SPAG16: variants seen among roughly 807,000 people sequenced by gnomAD.
The protein encoded by SPAG16 is sperm-associated antigen 16 protein.
In SPAG16, 86 loss-of-function variants were observed where a neutral mutation model predicts 80.4. That is an observed-to-expected ratio of 1.07 (90% CI 0.90 to 1.28). The LOEUF (loss-of-function observed/expected upper bound fraction) is 1.28. SPAG16 is among the 50% of genes most tolerant of loss of function. The probability of loss-of-function intolerance (pLI) is 0.00; values close to 1 mark genes in which losing one functional copy is unlikely to be tolerated. For synonymous variants in SPAG16, 294 were observed against 265.9 expected, an observed-to-expected ratio of 1.11 and a Z score of -1.03; for missense variants, 870 against 765.3, an observed-to-expected ratio of 1.14 and a Z score of -1.61.
At chr2:213,327,591 G>T (rs1428036982) in intron 5 of SPAG16, among the ~76,000 whole-genome samples, 4 of 152,078 alleles carry the variant, frequency 2.6e-5, no homozygotes, top group Admixed American at 2.0e-4. Context: ...TTAACATGTT[G>T]TGGGTTTACA....
At chr2:213,845,460 T>C (rs2074575236) in intron 10 of SPAG16, among the ~76,000 whole-genome samples, 1 of 152,164 alleles carries the variant, frequency 6.6e-6, no homozygotes, top group South Asian at 2.1e-4. Context: ...CCTCCCAAAG[T>C]GCTGGGATTA....
intron 13 of SPAG16, among the ~76,000 whole-genome samples, chr2:214,092,676 A>T (rs2052301402): frequency 6.6e-6 from 1 of 151,992 alleles, no homozygotes; most frequent in Non-Finnish European, 1.5e-5. Flanking sequence ...TCTGCCAATT[A>T]TTAACTTATT....
chr2:214,177,486 C>T (rs921572962), intron 15 of SPAG16, among the ~76,000 whole-genome samples: 1 of 151,010 alleles, frequency 6.6e-6, no homozygotes, highest in Non-Finnish European at 1.5e-5. Flanking sequence ...CTGCTTCTGC[C>T]TGGCAAACCC....
intron 15 of SPAG16, among the ~76,000 whole-genome samples, chr2:214,253,055 G>A (rs1374766794): frequency 5.3e-5 from 8 of 150,206 alleles, no homozygotes; most frequent in Non-Finnish European, 1.5e-5. Flanking sequence ...CAGTGATGAT[G>A]AGCTTTTTTT....
intron 15 of SPAG16, among the ~76,000 whole-genome samples, chr2:214,299,215 G>T (rs748926441): frequency 9.3e-5 from 14 of 150,152 alleles, no homozygotes; most frequent in Non-Finnish European, 1.5e-4. Context: ...AATGGACAAG[G>T]CTAGAATCTA....
chr2:213,292,562 G>A (rs899662348), intron 1 of SPAG16, among the ~76,000 whole-genome samples: 1 of 149,502 alleles, frequency 6.7e-6, no homozygotes, highest in Non-Finnish European at 1.5e-5. Context: ...TACTTGGGAG[G>A]CTGAGGCAGG....
At chr2:213,584,708 C>T (rs961244717) in intron 10 of SPAG16, among the ~76,000 whole-genome samples, 1 of 152,068 alleles carries the variant, frequency 6.6e-6, no homozygotes, top group South Asian at 2.1e-4. Context: ...AGGGCAGGCT[C>T]TCGACTTTTG....
intron 9 of SPAG16, among the ~76,000 whole-genome samples, chr2:213,456,808 A>T (rs952659030): frequency 1.3e-5 from 2 of 152,096 alleles, no homozygotes; most frequent in Admixed American, 1.3e-4. Context: ...GTCAGTTCAG[A>T]TGTAATTAAT....
intron 15 of SPAG16, among the ~76,000 whole-genome samples, chr2:214,165,945 A>G (rs907884035): frequency 6.6e-6 from 1 of 152,146 alleles, no homozygotes; most frequent in Non-Finnish European, 1.5e-5. Context: ...TAATTATAAA[A>G]TAATTCAAAA....
chr2:214,037,893 G>A (rs976996326), intron 13 of SPAG16, among the ~76,000 whole-genome samples: 2 of 151,300 alleles, frequency 1.3e-5, no homozygotes, highest in Middle Eastern at 3.2e-3. Context: ...GTGTGTGTGT[G>A]TGTGTGTGTG....
rs562391683 is a variant in SPAG16 at position 214,007,800 on chromosome 2, C to T, written c.1401-6151C>T. On this transcript the variant is annotated intron_variant, in intron 12 of 15. Coordinates refer to ENST00000331683, the MANE Select transcript of SPAG16 (RefSeq NM_024532.5). ...CAGTTGACTATTATATACTTAGGTG[C>T]ATTCTTTCTGTTGTTAAGCATGTTT... Among the ~76,000 whole-genome samples the T allele has an allele frequency of 2.0e-5, 3 of 152,196 alleles. No homozygotes were observed. In the East Asian group the frequency reaches 5.8e-4, roughly 29 times the overall value.
chr2:213,468,550 T>C (rs2072874403), intron 9 of SPAG16, among the ~76,000 whole-genome samples: 1 of 130,992 alleles, frequency 7.6e-6, no homozygotes, highest in Non-Finnish European at 1.5e-5. Flanking sequence ...TATATATGTA[T>C]TTATATATAG....
At chr2:213,741,156 T>A (rs2067533663) in intron 10 of SPAG16, among the ~76,000 whole-genome samples, 1 of 152,106 alleles carries the variant, frequency 6.6e-6, no homozygotes, top group Non-Finnish European at 1.5e-5. Context: ...AAGGTAAGGG[T>A]AAAGTAAGAA....
At chr2:214,082,050 T>C (rs527964765) in intron 13 of SPAG16, among the ~76,000 whole-genome samples, 27 of 152,152 alleles carry the variant, frequency 1.8e-4, no homozygotes, top group Non-Finnish European at 3.4e-4. Flanking sequence ...GGCTTTGATA[T>C]CCTCTTCTTA....
At chr2:213,547,247 A>G (rs921285023) in intron 10 of SPAG16, among the ~76,000 whole-genome samples, 3 of 152,126 alleles carry the variant, frequency 2.0e-5, no homozygotes, top group African/African-American at 7.2e-5. Context: ...AAATAATATA[A>G]TAGAAAAGGG....
intron 15 of SPAG16, among the ~76,000 whole-genome samples, chr2:214,323,999 G>A (rs1696297426): frequency 6.6e-6 from 1 of 152,108 alleles, no homozygotes; most frequent in South Asian, 2.1e-4. Context: ...TGATTAAAAG[G>A]TCTGATCTTT....
chr2:213,496,655 T>A (rs2074502000), intron 10 of SPAG16, among the ~76,000 whole-genome samples: 1 of 147,570 alleles, frequency 6.8e-6, no homozygotes, highest in East Asian at 1.9e-4. Flanking sequence ...TGGATATGTA[T>A]AATATAAGCT....
intron 11 of SPAG16, among the ~76,000 whole-genome samples, chr2:213,905,432 A>G (rs1211195193): frequency 6.6e-6 from 1 of 152,236 alleles, no homozygotes; most frequent in Non-Finnish European, 1.5e-5. Flanking sequence ...CAAATGGCAC[A>G]TACAATCCAC....
At chr2:213,859,109 G>C (rs561625545) in intron 10 of SPAG16, among the ~76,000 whole-genome samples, 1 of 141,030 alleles carries the variant, frequency 7.1e-6, no homozygotes, top group East Asian at 2.1e-4. Context: ...AACTTGGGAG[G>C]GGGAGGTTGT....
Sources: allele counts gnomAD v4.1 joint callset (sites outside exome capture counted in the v4.1 genomes callset), GRCh38; gene constraint gnomAD v4.1.1; transcripts MANE v1.5; gene names NCBI Gene and HGNC (gene_info 2026-07-23, HGNC 2026-07-21).